SLC24A2: variants seen among roughly 807,000 people sequenced by gnomAD.
SLC24A2 encodes the protein solute carrier family 24 member 2, also known as sodium/potassium/calcium exchanger 2.
SLC24A2 carries 36 observed loss-of-function variants against 62.0 expected under a neutral mutation model. The ratio of observed to expected loss-of-function variants is 0.58; its 90% CI spans 0.44 to 0.77. The LOEUF is 0.77. SLC24A2 is among the 30% of genes least tolerant of loss of function. SLC24A2 has a pLI of 0.00. For synonymous variants in SLC24A2, 358 were observed against 294.0 expected, an observed-to-expected ratio of 1.22 and a Z score of -2.23; for missense variants, 846 against 817.9, an observed-to-expected ratio of 1.03 and a Z score of -0.42.
the SLC24A2 span, among the ~76,000 whole-genome samples, chr9:20,223,311 T>A: frequency 5.5e-3 from 840 of 152,246 alleles, 18 homozygotes; most frequent in East Asian, 0.046. Context: ...CATAAAGATA[T>A]CATCTTTTCA....
chr9:19,663,902 G>A (rs534331886), intron 2 of SLC24A2, among the ~76,000 whole-genome samples: 2 of 152,212 alleles, frequency 1.3e-5, no homozygotes, highest in Non-Finnish European at 2.9e-5. Flanking sequence ...TTGCAAAGAG[G>A]AATTGATTTC....
At chr9:20,127,906 T>C in the SLC24A2 span, among the ~76,000 whole-genome samples, 1 of 152,082 alleles carries the variant, frequency 6.6e-6, no homozygotes, top group South Asian at 2.1e-4. Context: ...CCCAATCAAA[T>C]AGCTGATTTT....
rs936343912 is a variant in SLC24A2 at position 19,510,694 on chromosome 9, T to C, written c.*5459A>G. The C allele has an allele frequency of 2.0e-5, 3 of 152,252 alleles. No individual in the cohort carries two copies. Among genetic ancestry groups the C allele is most frequent in the Non-Finnish European group, 4.4e-5 (3 of 68,054 alleles). The allele number at this position is 152,252 out of a possible 1,614,324, so 9.4% of individuals were successfully genotyped here. On this transcript the variant is annotated 3_prime_UTR_variant, in exon 11 of 11. Transcript: ENST00000341998. ...ATTCTTTCAGACTTAGATATTTGTC[T>C]GTTTTTAAAGATTTTATTAGGTTTT... is the stretch of plus-strand genomic sequence containing the variant.
chr9:20,223,396 G>C, the SLC24A2 span, among the ~76,000 whole-genome samples: 3 of 152,250 alleles, frequency 2.0e-5, no homozygotes, highest in Non-Finnish European at 4.4e-5. Context: ...AGGCCAAGGT[G>C]GGAGGATCAA....
chr9:20,160,670 C>A, the SLC24A2 span, among the ~76,000 whole-genome samples: 1 of 150,268 alleles, frequency 6.7e-6, no homozygotes, highest in Non-Finnish European at 1.5e-5. Flanking sequence ...AACTTGTGAG[C>A]GAAAGGAAAA....
chr9:19,696,015 G>C (rs1454672217), intron 2 of SLC24A2, among the ~76,000 whole-genome samples: 1 of 152,164 alleles, frequency 6.6e-6, no homozygotes, highest in Non-Finnish European at 1.5e-5. Context: ...TAAGAACCAG[G>C]CTGCACAGCA....
the SLC24A2 span, among the ~76,000 whole-genome samples, chr9:19,871,100 A>G: frequency 1.3e-5 from 2 of 151,938 alleles, no homozygotes; most frequent in African/African-American, 2.4e-5. Context: ...TTTTCCAAAG[A>G]GTTTTATAGT....
chr9:20,302,389 G>A, the SLC24A2 span, among the ~76,000 whole-genome samples: 1 of 152,182 alleles, frequency 6.6e-6, no homozygotes, highest in African/African-American at 2.4e-5. Flanking sequence ...ATCCTTGTCA[G>A]CATTTAGTGT....
chr9:19,889,375 T>TATC, the SLC24A2 span, among the ~76,000 whole-genome samples: 7 of 151,996 alleles, frequency 4.6e-5, no homozygotes, highest in African/African-American at 1.7e-4. Flanking sequence ...TTGTAATTAT[T>TATC]ATTATTATTA....
At chr9:19,640,084 T>C (rs888165184) in intron 2 of SLC24A2, among the ~76,000 whole-genome samples, 1 of 152,190 alleles carries the variant, frequency 6.6e-6, no homozygotes, top group Non-Finnish European at 1.5e-5. Flanking sequence ...GATAACCTAA[T>C]AAATAAGGAA....
chr9:20,110,910 C>G, the SLC24A2 span, among the ~76,000 whole-genome samples: 39 of 152,250 alleles, frequency 2.6e-4, no homozygotes, highest in Middle Eastern at 6.8e-3. Flanking sequence ...ATCCATTTTA[C>G]AATCAATGGC....
chr9:19,624,817 T>C (rs1817993746), intron 2 of SLC24A2, among the ~76,000 whole-genome samples: 1 of 152,188 alleles, frequency 6.6e-6, no homozygotes, highest in African/African-American at 2.4e-5. Context: ...ATGATGGTAA[T>C]TGCCCATTTC....
intron 8 of SLC24A2, among the ~76,000 whole-genome samples, chr9:19,546,712 G>A (rs1208722659): frequency 1.3e-5 from 2 of 151,474 alleles, no homozygotes; most frequent in African/African-American, 2.4e-5. Context: ...TCTCACTGGT[G>A]TTCTGGCACC....
At chr9:19,828,927 C>G in the SLC24A2 span, among the ~76,000 whole-genome samples, 37 of 152,084 alleles carry the variant, frequency 2.4e-4, no homozygotes. Context: ...GCTATTTTAA[C>G]AAGTTCAGCA....
At chr9:19,795,123 C>A in the SLC24A2 span, among the ~76,000 whole-genome samples, 1 of 152,126 alleles carries the variant, frequency 6.6e-6, no homozygotes, top group Non-Finnish European at 1.5e-5. Flanking sequence ...ACTATTTTCC[C>A]AGCTCGGTTG....
chr9:19,669,305 G>C (rs1283637341), intron 2 of SLC24A2, among the ~76,000 whole-genome samples: 2 of 152,118 alleles, frequency 1.3e-5, no homozygotes, highest in Admixed American at 6.6e-5. Context: ...GTGGGGAGTG[G>C]TGGTGGGTTA....
At chr9:20,245,280 C>T in the SLC24A2 span, among the ~76,000 whole-genome samples, 309 of 152,210 alleles carry the variant, frequency 2.0e-3, 2 homozygotes, top group African/African-American at 6.9e-3. Context: ...TCAAGTTTCA[C>T]GGGTTACCTA....
chr9:19,986,428 T>C, the SLC24A2 span, among the ~76,000 whole-genome samples: 1 of 152,130 alleles, frequency 6.6e-6, no homozygotes, highest in Non-Finnish European at 1.5e-5. Context: ...AGCAATTCCA[T>C]CTCTAGGTAT....
In SLC24A2 at chr9:19,554,602, C is replaced by T. The variant is rs146559346; in HGVS notation, c.1348-4334G>A. On this transcript the variant is annotated intron_variant, in intron 7 of 10. Coordinates refer to ENST00000341998, the MANE Select transcript of SLC24A2 (RefSeq NM_020344.4). The stretch of plus-strand genomic sequence containing the variant: ...TAAAGACTCTGGTTTTCAGCCTTCT[C>T]GGCAAGGTGTGGCAATGTGATTAAG... 1.3e-4 allele frequency among the ~76,000 whole-genome samples: 20 copies of T among 152,278 alleles called. No individual in the cohort carries two copies. In the South Asian group the frequency reaches 3.5e-3, roughly 27 times the overall value.
Sources: gnomAD v4.1 joint callset for allele counts (sites outside exome capture counted in the v4.1 genomes callset) on GRCh38, gnomAD v4.1.1 for gene constraint, MANE v1.5 for transcripts, NCBI Gene and HGNC (gene_info 2026-07-23, HGNC 2026-07-21) for gene names.